Variants in PLEKHM3 observed in about 807,000 individuals in gnomAD.
PLEKHM3 encodes the protein pleckstrin homology domain containing M3.
PLEKHM3 carries 45 observed loss-of-function variants against 81.8 expected under a neutral mutation model. The ratio of observed to expected loss-of-function variants is 0.55; its 90% CI spans 0.43 to 0.71. PLEKHM3 has a LOEUF of 0.71. Ranked by LOEUF, PLEKHM3 falls within the 30% of genes least tolerant of loss-of-function variation. The probability of loss-of-function intolerance (pLI) is 0.00; values close to 1 mark genes in which losing one functional copy is unlikely to be tolerated. For missense variants in PLEKHM3, 788 were observed against 924.3 expected (o/e 0.85, Z 1.91); for synonymous variants, 352 against 356.4 (o/e 0.99, Z 0.14).
intron 6 of PLEKHM3, among the ~76,000 whole-genome samples, chr2:207,893,045 C>T (rs1440088125): frequency 6.6e-6 from 1 of 152,208 alleles, no homozygotes; most frequent in African/African-American, 2.4e-5. Context: ...TTTGAAAGGA[C>T]TTGAATACCC....
At chr2:207,963,207 G>A (rs768870667) in intron 3 of PLEKHM3, among the ~76,000 whole-genome samples, 7 of 152,154 alleles carry the variant, frequency 4.6e-5, no homozygotes, top group Non-Finnish European at 1.0e-4. Flanking sequence ...TCGTGCTGGG[G>A]ATGGCAATAC....
intron 1 of PLEKHM3, among the ~76,000 whole-genome samples, chr2:208,003,182 C>T (rs950773812): frequency 6.6e-6 from 1 of 152,216 alleles, no homozygotes; most frequent in Non-Finnish European, 1.5e-5. Flanking sequence ...TTTCCCTGCA[C>T]AAGTTCTTCT....
chr2:207,936,169 T>C (rs1689744724), intron 4 of PLEKHM3, among the ~76,000 whole-genome samples: 1 of 152,160 alleles, frequency 6.6e-6, no homozygotes, highest in Non-Finnish European at 1.5e-5. Context: ...AAATTTTTTG[T>C]AGAGATAGGG....
intron 7 of PLEKHM3, among the ~76,000 whole-genome samples, chr2:207,849,411 A>G (rs895557649): frequency 3.3e-5 from 5 of 152,212 alleles, no homozygotes; most frequent in Admixed American, 6.5e-5. Context: ...TTTGGTGTTA[A>G]TAAGTTCAAT....
intron 5 of PLEKHM3, among the ~76,000 whole-genome samples, chr2:207,913,813 A>C (rs1224425449): frequency 6.6e-6 from 1 of 152,116 alleles, no homozygotes; most frequent in Non-Finnish European, 1.5e-5. Context: ...CTGAAGACAC[A>C]AAAGTAGAGA....
chr2:207,960,896 C>G (rs765369753), intron 3 of PLEKHM3, among the ~76,000 whole-genome samples: 3 of 152,186 alleles, frequency 2.0e-5, no homozygotes, highest in Non-Finnish European at 2.9e-5. Flanking sequence ...TTTGGGGAGC[C>G]TCCCTGTAGT....
chr2:208,007,615 T>C (rs1267258996), intron 1 of PLEKHM3, among the ~76,000 whole-genome samples: 1 of 152,148 alleles, frequency 6.6e-6, no homozygotes, highest in Non-Finnish European at 1.5e-5. Context: ...ATAAAGAGCA[T>C]ACCATTAAAA....
At chr2:207,975,811 G>A (rs1219271815) in intron 3 of PLEKHM3, among the ~76,000 whole-genome samples, 2 of 151,466 alleles carry the variant, frequency 1.3e-5, no homozygotes, top group Non-Finnish European at 2.9e-5. Context: ...TGGCCAGGCT[G>A]GTCTTGAACT....
chr2:207,923,042 T>C lies in PLEKHM3; in HGVS notation c.1886+7884A>G, dbSNP rs954968229. On this transcript the variant is annotated intron_variant, in intron 5 of 7. Coordinates refer to ENST00000427836, the MANE Select transcript of PLEKHM3 (RefSeq NM_001080475.3). Reference sequence around the variant, plus strand: ...CATTTTGGCTGGGCTGGGGTGGCTGTGGTCCATCAGGAACACAGTGGAAGA... The same window carrying C: ...CATTTTGGCTGGGCTGGGGTGGCTGCGGTCCATCAGGAACACAGTGGAAGA... Among the ~76,000 whole-genome samples the C allele has an allele frequency of 8.5e-5, 13 of 152,158 alleles. No individual in the cohort carries two copies. In the East Asian group the frequency reaches 9.7e-4, roughly 11 times the overall value.
intron 6 of PLEKHM3, among the ~76,000 whole-genome samples, chr2:207,887,185 C>T (rs1272753323): frequency 1.3e-5 from 2 of 152,214 alleles, no homozygotes; most frequent in African/African-American, 4.8e-5. Context: ...TATAGCAACA[C>T]ATTTCTGGAA....
At chr2:207,936,692 T>C (rs1574422879) in intron 4 of PLEKHM3, among the ~76,000 whole-genome samples, 1 of 152,174 alleles carries the variant, frequency 6.6e-6, no homozygotes, top group East Asian at 1.9e-4. Context: ...TACATGCCTA[T>C]ATCTAGGAAG....
At chr2:207,946,586 T>G in intron 3 of PLEKHM3, 74 bp from the exon 4 acceptor site, 15 of 1,525,778 alleles carry the variant, frequency 9.8e-6, no homozygotes, top group Non-Finnish European at 1.3e-5. Flanking sequence ...TATAGAGCTC[T>G]AACATCACAG....
At chr2:207,891,239 G>A (rs1043231853) in intron 6 of PLEKHM3, among the ~76,000 whole-genome samples, 3 of 152,158 alleles carry the variant, frequency 2.0e-5, no homozygotes, top group Non-Finnish European at 4.4e-5. Context: ...ATGGGGGTGG[G>A]ATAAAGCCTC....
In PLEKHM3 at chr2:208,001,319, G is replaced by A. The variant is rs984989985; in HGVS notation, c.321C>T (p.Ser107=). Residue 107 remains serine, a synonymous_variant, in exon 2 of 8, where the codon TCC becomes TCT. Transcript: ENST00000427836. The part of the protein sequence containing the change: ...VQRGTTPDNL[S]WMEQKEASTF... ...TTGATGCTTCCTTTTGTTCCATCCA[G>A]GAAAGATTATCTGGGGTTGTCCCTC... 6.2e-6 allele frequency: 10 copies of A among 1,614,052 alleles called. No individual in the cohort carries two copies. The highest frequency in any genetic ancestry group is 7.6e-6 in the Non-Finnish European group (9 of 1,180,038).
At chr2:207,903,369 G>GGGAGTA (rs1354443516) in intron 6 of PLEKHM3, among the ~76,000 whole-genome samples, 1 of 152,026 alleles carries the variant, frequency 6.6e-6, no homozygotes, top group Non-Finnish European at 1.5e-5. Context: ...GGGCAGTGGA[G>GGGAGTA]GGAGTAGCGG....
At chr2:207,960,665 A>G (rs1270331064) in intron 3 of PLEKHM3, among the ~76,000 whole-genome samples, 13 of 152,236 alleles carry the variant, frequency 8.5e-5, no homozygotes, top group African/African-American at 3.1e-4. Context: ...GAGGAAAGGG[A>G]AAGGCACTCA....
intron 2 of PLEKHM3, among the ~76,000 whole-genome samples, chr2:207,979,759 G>GA (rs142746403): frequency 6.6e-6 from 1 of 151,868 alleles, no homozygotes; most frequent in Non-Finnish European, 1.5e-5. Flanking sequence ...TTTGACTAAA[G>GA]AAAAAAAGAG....
At chr2:207,829,435 C>T (rs1403169498) in intron 7 of PLEKHM3, among the ~76,000 whole-genome samples, 1 of 152,138 alleles carries the variant, frequency 6.6e-6, no homozygotes. Context: ...CACCACCACA[C>T]CTGGCTAATT....
intron 6 of PLEKHM3, among the ~76,000 whole-genome samples, chr2:207,896,938 C>T (rs899762): frequency 0.013 from 2,002 of 152,262 alleles, 49 homozygotes; most frequent in African/African-American, 0.046. Context: ...ATTGAAAAGA[C>T]GTCTGTGCAT....
Sources: allele counts gnomAD v4.1 joint callset (sites outside exome capture counted in the v4.1 genomes callset), GRCh38; gene constraint gnomAD v4.1.1; transcripts MANE v1.5; gene names NCBI Gene and HGNC (gene_info 2026-07-23, HGNC 2026-07-21).